Variants in MAP3K2 observed in about 807,000 individuals in gnomAD.
The protein encoded by MAP3K2 is mitogen-activated protein kinase kinase kinase 2.
A neutral mutation model predicts 80.3 loss-of-function variants in MAP3K2; 24 were observed. The ratio of observed to expected loss-of-function variants is 0.30; its 90% CI spans 0.22 to 0.42. The LOEUF (loss-of-function observed/expected upper bound fraction) is 0.42, where lower values mean the gene tolerates loss of function less well. Among genes scored for constraint, MAP3K2 ranks in the 10% least tolerant of loss-of-function variants. The pLI is 1.00. For synonymous variants in MAP3K2, 244 were observed against 253.7 expected (o/e 0.96, Z 0.36); for missense variants, 608 against 750.1 (o/e 0.81, Z 2.21).
At position 127,369,843 on chromosome 2, in the gene MAP3K2, T is replaced by C. The variant is rs1396273318; in HGVS notation, c.-66+17609A>G. Among the ~76,000 whole-genome samples, 16 of 152,226 alleles carry C rather than the reference T, an allele frequency of 1.1e-4. 1 individual carries two copies. Among genetic ancestry groups the C allele is most frequent in the Admixed American group, 1.0e-3 (16 of 15,284 alleles). On this transcript the variant is annotated intron_variant, in intron 1 of 16. Transcript: ENST00000682094. ...GAGTGTAGTCTGATATGGTCTCTTTTCTCTCTTAACTAATTAACCAGTAAT... is the reference window on the plus strand; with the variant it reads ...GAGTGTAGTCTGATATGGTCTCTTTCCTCTCTTAACTAATTAACCAGTAAT...
intron 1 of MAP3K2, among the ~76,000 whole-genome samples, chr2:127,349,358 G>T (rs189276323): frequency 2.6e-5 from 4 of 151,754 alleles, no homozygotes; most frequent in African/African-American, 9.7e-5. Context: ...TTTATATGGC[G>T]TCTCACTGTG....
intron 1 of MAP3K2, among the ~76,000 whole-genome samples, chr2:127,372,450 T>C (rs976604424): frequency 2.6e-5 from 4 of 152,144 alleles, no homozygotes; most frequent in African/African-American, 9.7e-5. Context: ...CGGATGGATA[T>C]TTCAAACATT....
intron 15 of MAP3K2, among the ~76,000 whole-genome samples, chr2:127,308,997 G>A (rs371645441): frequency 2.6e-5 from 4 of 152,124 alleles, no homozygotes; most frequent in South Asian, 2.1e-4. Flanking sequence ...GACCTAGGAC[G>A]TTTCTATTGA....
intron 15 of MAP3K2, 22 bp downstream of exon 15, chr2:127,314,732 T>C (rs1345491663): frequency 4.5e-6 from 7 of 1,568,646 alleles, no homozygotes; most frequent in Non-Finnish European, 4.4e-6. Flanking sequence ...GTACTTAAAA[T>C]AGAAAATACC....
chr2:127,318,722 C>G (rs1685955697), intron 12 of MAP3K2, among the ~76,000 whole-genome samples: 1 of 152,190 alleles, frequency 6.6e-6, no homozygotes, highest in Admixed American at 6.5e-5. Flanking sequence ...CCCATCCAAA[C>G]AACAAGAGAA....
intron 8 of MAP3K2, 94 bp from the exon 9 acceptor site, chr2:127,325,901 A>C: frequency 1.3e-6 from 1 of 794,736 alleles, no homozygotes; most frequent in South Asian, 1.5e-5. Flanking sequence ...ACTTCATGTA[A>C]CATAAAATTC....
At chr2:127,341,610 A>T (rs1327809043) in intron 2 of MAP3K2, among the ~76,000 whole-genome samples, 1 of 137,872 alleles carries the variant, frequency 7.3e-6, no homozygotes, top group African/African-American at 2.7e-5. Context: ...TCGGCTCACT[A>T]CAAGATCCGC....
At chr2:127,323,659 C>T (rs1686071687) in intron 11 of MAP3K2, among the ~76,000 whole-genome samples, 1 of 152,214 alleles carries the variant, frequency 6.6e-6, no homozygotes, top group African/African-American at 2.4e-5. Flanking sequence ...TGCCACAGCA[C>T]TCCCGCCTGG....
In MAP3K2 at chr2:127,343,097, G is replaced by A. The variant is rs1340357601; in HGVS notation, c.4+29C>T. On this transcript the variant is annotated intron_variant, in intron 2 of 16. Transcript: ENST00000682094. ...ACTTCCATTCTATCCTTTAATTATT[G>A]CTGAAAAATGCTTTTAGTTTGAACT... 1.2e-5 allele frequency: 18 copies of A among 1,540,356 alleles called. No individual in the cohort carries two copies. In the East Asian group the frequency reaches 4.4e-4, roughly 37 times the overall value.
intron 1 of MAP3K2, among the ~76,000 whole-genome samples, chr2:127,366,139 T>C (rs1686966989): frequency 2.0e-5 from 3 of 152,352 alleles, no homozygotes; most frequent in Admixed American, 1.3e-4. Context: ...CGTATCTCAC[T>C]ACTTGATCCT....
At position 127,338,541 on chromosome 2, in the gene MAP3K2, G is replaced by C. The variant is rs1686417651; in HGVS notation, c.123+391C>G. The stretch of plus-strand genomic sequence containing the variant: ...ATTGCTCCCCTCTATGTCTCCATGT[G>C]TTCTCATTATTTACCCTCCACTTAT... On this transcript the variant is annotated intron_variant, in intron 3 of 16. Transcript: ENST00000682094. Among the ~76,000 whole-genome samples the C allele has an allele frequency of 7.2e-5, 11 of 152,142 alleles. No individual in the cohort carries two copies. The South Asian group carries it at 2.3e-3, about 32-fold the overall frequency.
chr2:127,354,267 T>C (rs1340617729), intron 1 of MAP3K2, among the ~76,000 whole-genome samples: 1 of 149,156 alleles, frequency 6.7e-6, no homozygotes, highest in East Asian at 1.9e-4. Flanking sequence ...GAAATATCAT[T>C]TGAAAAAAAA....
intron 1 of MAP3K2, among the ~76,000 whole-genome samples, chr2:127,359,038 G>T (rs1686841479): frequency 6.6e-6 from 1 of 152,174 alleles, no homozygotes; most frequent in African/African-American, 2.4e-5. Flanking sequence ...TTCAGGAGGA[G>T]GGGAGCAGGG....
intron 15 of MAP3K2, among the ~76,000 whole-genome samples, chr2:127,311,429 T>G (rs1054476000): frequency 6.6e-6 from 1 of 152,164 alleles, no homozygotes; most frequent in Non-Finnish European, 1.5e-5. Flanking sequence ...TCACCAATAT[T>G]GAACCAATGC....
At chr2:127,353,603 G>A (rs1321007608) in intron 1 of MAP3K2, among the ~76,000 whole-genome samples, 17 of 150,682 alleles carry the variant, frequency 1.1e-4, no homozygotes, top group Admixed American at 2.0e-4. Context: ...CAGCCGCCCC[G>A]TCCGGGAGGG....
At chr2:127,332,216 T>C (rs570964102) in intron 5 of MAP3K2, among the ~76,000 whole-genome samples, 1 of 152,370 alleles carries the variant, frequency 6.6e-6, no homozygotes, top group South Asian at 2.1e-4. Context: ...ATCTTGCTTC[T>C]ATCTTCAATA....
chr2:127,330,864 G>A (rs1686243379), intron 5 of MAP3K2, among the ~76,000 whole-genome samples: 1 of 152,064 alleles, frequency 6.6e-6, no homozygotes, highest in African/African-American at 2.4e-5. Context: ...ATGAAATAAA[G>A]GTACTACTTT....
In MAP3K2 at chr2:127,326,932, A is replaced by AT. The variant is rs1019048458; in HGVS notation, c.467-116dup. ...AATAATTTCAGCAAAAGAAAATTCA[A>AT]TTTTTATTAAAACTTATCAGAACAT... On this transcript the variant is annotated intron_variant, in intron 7 of 16. Coordinates refer to ENST00000682094, the MANE Select transcript of MAP3K2 (RefSeq NM_001371910.2). The AT allele has an allele frequency of 4.8e-6, 3 of 626,450 alleles. No individual in the cohort carries two copies. In the African/African-American group the frequency reaches 5.6e-5, roughly 12 times the overall value. 38.8% of individuals were successfully genotyped at this position (626,450 alleles called of 1,614,324 possible).
At position 127,364,670 on chromosome 2, in the gene MAP3K2, T is replaced by C. The variant is rs977355649; in HGVS notation, c.-65-21476A>G. Among the ~76,000 whole-genome samples the C allele has an allele frequency of 2.0e-5, 3 of 152,200 alleles. No individual in the cohort carries two copies. The highest frequency in any genetic ancestry group is 4.4e-5 in the Non-Finnish European group (3 of 68,044). ...TTCCTAACTATTCCATATTTTTACA[T>C]GTGCTCTCTGCCACTAGACTACAAT... is the stretch of plus-strand genomic sequence containing the variant. On this transcript the variant is annotated intron_variant, in intron 1 of 16. Transcript: ENST00000682094. The surrounding 1 kb of genome is among the most constrained non-coding windows in gnomAD (Gnocchi z 4.1).
Sources: allele counts gnomAD v4.1 joint callset (sites outside exome capture counted in the v4.1 genomes callset), GRCh38; gene constraint gnomAD v4.1.1; non-coding constraint Gnocchi (gnomAD v3.1); transcripts MANE v1.5; gene names NCBI Gene and HGNC (gene_info 2026-07-23, HGNC 2026-07-21).